RPL38: variants seen among roughly 807,000 people sequenced by gnomAD.
RPL38 encodes ribosomal protein L38.
Under a neutral mutation model 12.8 loss-of-function variants are expected in RPL38, and 2 were observed. The observed-to-expected ratio is 0.16, with a 90% CI of 0.06 to 0.49. The LOEUF is 0.49. Ranked by LOEUF, RPL38 falls within the 20% of genes least tolerant of loss-of-function variation. The pLI, the probability that RPL38 is intolerant of heterozygous loss-of-function variation, is 0.96. For missense variants in RPL38, 52 were observed against 79.8 expected, an observed-to-expected ratio of 0.65 and a Z score of 1.33; for synonymous variants, 42 against 30.1, an observed-to-expected ratio of 1.39 and a Z score of -1.29.
intron 4 of RPL38, 24 bp downstream of exon 4, chr17:74,209,333 A>G (rs371859699): frequency 9.1e-5 from 147 of 1,611,882 alleles, no homozygotes; most frequent in Non-Finnish European, 1.2e-4. Context: ...AAGTCACTTC[A>G]GGGGCGGGTG....
intron 3 of RPL38, among the ~76,000 whole-genome samples, chr17:74,207,040 G>T (rs930744045): frequency 6.6e-6 from 1 of 151,646 alleles, no homozygotes. Flanking sequence ...TTTAAACAGG[G>T]TCTCACTCCT....
At chr17:74,203,878 G>C (rs1054864134) in intron 1 of RPL38, 40 bp from the exon 2 acceptor site, 94 of 1,512,222 alleles carry the variant, frequency 6.2e-5, no homozygotes, top group Non-Finnish European at 7.9e-5. Flanking sequence ...TTCGCTGCCA[G>C]CCCCCGCGCC....
Position 74,209,897 on chromosome 17 carries a change from C to T in RPL38, c.*68C>T, listed in dbSNP as rs947992875. 2.9e-5 allele frequency: 41 copies of T among 1,393,238 alleles called. No homozygotes were observed. Among genetic ancestry groups the T allele is most frequent in the African/African-American group, 2.3e-4 (16 of 69,626 alleles). 86.3% of individuals were successfully genotyped at this position (1,393,238 alleles called of 1,614,324 possible). On this transcript the variant is annotated 3_prime_UTR_variant, in exon 5 of 5. Transcript: ENST00000311111. ...AAATCCTAAGTGTCTTTCGTCTTTG[C>T]GGATGGGAAAGGGAAAAATGCTACC...
intron 4 of RPL38, 111 bp downstream of exon 4, chr17:74,209,420 G>A: frequency 1.6e-6 from 2 of 1,279,298 alleles, no homozygotes; most frequent in Non-Finnish European, 2.2e-6. Flanking sequence ...CCCATTTTAT[G>A]GTCTAAGAAT....
At chr17:74,208,368 G>A (rs1370687575) in intron 3 of RPL38, among the ~76,000 whole-genome samples, 1 of 152,152 alleles carries the variant, frequency 6.6e-6, no homozygotes. Context: ...CTGAATTTGA[G>A]GTACACAGTA....
At chr17:74,205,950 A>AC (rs1598205281) in intron 3 of RPL38, 1 of 151,784 alleles carries the variant, frequency 6.6e-6, no homozygotes, top group East Asian at 2.0e-4. Context: ...AACCAAGGAG[A>AC]CGGAGGTTGC....
At chr17:74,203,987 C>G in intron 2 of RPL38, 29 bp downstream of exon 2, 1 of 1,613,008 alleles carries the variant, frequency 6.2e-7, no homozygotes. Context: ...TGGCGCCTTC[C>G]CGGGGTGGGC....
At position 74,209,602 on chromosome 17, in the gene RPL38, A is replaced by AAATATAATAGACCAAGTCTTTTTATCG. The variant is rs1332469471; in HGVS notation, c.188-175_188-149dup. 1.8e-3 allele frequency: 1,164 copies of AAATATAATAGACCAAGTCTTTTTATCG among 629,278 alleles called. 14 individuals are homozygous for AAATATAATAGACCAAGTCTTTTTATCG. In the African/African-American group the frequency reaches 0.019, roughly 10 times the overall value. 39.0% of individuals were successfully genotyped at this position (629,278 alleles called of 1,614,324 possible). ...CCCATTTTTTACAGGGGAACAGATG[A>AAATATAATAGACCAAGTCTTTTTATCG]AATATAATAGACCAAGTCTTTTTAT... On this transcript the variant is annotated intron_variant, in intron 4 of 4. Coordinates refer to ENST00000311111, the MANE Select transcript of RPL38 (RefSeq NM_000999.4).
chr17:74,205,013 C>G (rs1451714917), intron 3 of RPL38: 1 of 152,266 alleles, frequency 6.6e-6, no homozygotes, highest in Admixed American at 6.5e-5. Flanking sequence ...AGGGCTTCTA[C>G]TGAATGTATA....
chr17:74,207,996 G>A (rs1281749511), intron 3 of RPL38, among the ~76,000 whole-genome samples: 1 of 152,172 alleles, frequency 6.6e-6, no homozygotes, highest in African/African-American at 2.4e-5. Flanking sequence ...TTCCTCTGAT[G>A]TGCCCCATTC....
In RPL38 at chr17:74,209,973, T is replaced by G. The variant is rs1312599706; in HGVS notation, c.*144T>G. ...GACGCGGGTTCTGTTGCTGCCTTCC[T>G]GTGTCTTTTTTTTTTTTTTTTTTTC... On this transcript the variant is annotated 3_prime_UTR_variant, in exon 5 of 5. Transcript: ENST00000311111. 6 of 525,100 alleles carry G rather than the reference T, an allele frequency of 1.1e-5. No individual in the cohort carries two copies. Among genetic ancestry groups the G allele is most frequent in the African/African-American group, 4.3e-5 (2 of 46,664 alleles). 32.5% of individuals were successfully genotyped at this position (525,100 alleles called of 1,614,324 possible). A position where few individuals can be genotyped will look rare whatever the true frequency, so the allele number is the denominator to read the frequency against.
chr17:74,204,499 A>G (rs1047256596), intron 3 of RPL38: 4 of 413,530 alleles, frequency 9.7e-6, no homozygotes, highest in African/African-American at 4.0e-5. Flanking sequence ...GCCTCAAAAC[A>G]CACGTCCCAT....
chr17:74,204,790 C>T (rs1485606493), intron 3 of RPL38: 1 of 152,208 alleles, frequency 6.6e-6, no homozygotes, highest in Non-Finnish European at 1.5e-5. Flanking sequence ...CAATTACCGC[C>T]TCCCAGGTTC....
chr17:74,206,105 CTGTT>C (rs890944667), intron 3 of RPL38: 1 of 152,194 alleles, frequency 6.6e-6, no homozygotes, highest in African/African-American at 2.4e-5. Flanking sequence ...GTGTCAGTAG[CTGTT>C]TGTTGAAAAA....
At chr17:74,207,168 C>T (rs2050122879) in intron 3 of RPL38, among the ~76,000 whole-genome samples, 1 of 152,114 alleles carries the variant, frequency 6.6e-6, no homozygotes, top group Non-Finnish European at 1.5e-5. Flanking sequence ...TGCGCCACCA[C>T]ACCTGGCTAA....
At chr17:74,204,582 A>AT (rs1164917484) in intron 3 of RPL38, 2 of 273,060 alleles carry the variant, frequency 7.3e-6, no homozygotes, top group Non-Finnish European at 1.4e-5. Flanking sequence ...AGTGCTGGAT[A>AT]TTTGCATGTA....
At chr17:74,204,259 C>G in intron 3 of RPL38, 69 bp downstream of exon 3, 1 of 1,442,054 alleles carries the variant, frequency 6.9e-7, no homozygotes, top group Non-Finnish European at 9.7e-7. Flanking sequence ...AGCGTCTTCC[C>G]CGGAATGTCA....
In RPL38 at chr17:74,209,978, C is replaced by CT. The variant is rs58720199; in HGVS notation, c.*168dup. ...GGGTTCTGTTGCTGCCTTCCTGTGT[C>CT]TTTTTTTTTTTTTTTTTTTCTTTCT... On this transcript the variant is annotated 3_prime_UTR_variant, in exon 5 of 5. Transcript: ENST00000311111. 27,123 of 355,334 alleles carry CT rather than the reference C, an allele frequency of 0.076. 684 individuals carry two copies. Among genetic ancestry groups the CT allele is most frequent in the African/African-American group, 0.18 (7,047 of 38,472 alleles). 22.0% of individuals were successfully genotyped at this position (355,334 alleles called of 1,614,324 possible). A position where few individuals can be genotyped will look rare whatever the true frequency, so the allele number is the denominator to read the frequency against.
Position 74,209,981 on chromosome 17 carries a change from T to A in RPL38, c.*152T>A. ...TTCTGTTGCTGCCTTCCTGTGTCTT[T>A]TTTTTTTTTTTTTTTTCTTTCTTTG... On this transcript the variant is annotated 3_prime_UTR_variant, in exon 5 of 5. Transcript: ENST00000311111. 1.3e-5 allele frequency: 5 copies of A among 397,636 alleles called. No individual in the cohort carries two copies. The highest frequency in any genetic ancestry group is 2.3e-5 in the African/African-American group (1 of 44,132). 24.6% of individuals were successfully genotyped at this position (397,636 alleles called of 1,614,324 possible). A position where few individuals can be genotyped will look rare whatever the true frequency, so the allele number is the denominator to read the frequency against.
Sources: gnomAD v4.1 joint callset for allele counts (sites outside exome capture counted in the v4.1 genomes callset) on GRCh38, gnomAD v4.1.1 for gene constraint, MANE v1.5 for transcripts, NCBI Gene and HGNC (gene_info 2026-07-23, HGNC 2026-07-21) for gene names.